Variants in FAM193A observed in about 807,000 individuals in gnomAD.
FAM193A encodes protein FAM193A.
FAM193A carries 22 observed loss-of-function variants against 126.5 expected under a neutral mutation model. The ratio of observed to expected loss-of-function variants is 0.17; its 90% CI spans 0.12 to 0.25. FAM193A has a LOEUF of 0.25. Ranked by LOEUF, FAM193A falls within the 10% of genes least tolerant of loss-of-function variation. FAM193A has a pLI of 1.00. For missense variants in FAM193A, 1,675 were observed against 1,672.8 expected, an observed-to-expected ratio of 1.00 and a Z score of -0.02; for synonymous variants, 761 against 646.8, an observed-to-expected ratio of 1.18 and a Z score of -2.68.
rs559967710 is a variant in FAM193A at position 2,684,375 on chromosome 4, C to CT, written c.2332-5122dup. On this transcript the variant is annotated intron_variant, in intron 13 of 20. Coordinates refer to ENST00000637812, the MANE Select transcript of FAM193A (RefSeq NM_001366318.2). Reference sequence around the variant, plus strand: ...TTTATTATTTATAAGTTTTAATTTACTTTTTTTTTCCAAAGATACTTAGTA... The same window carrying CT: ...TTTATTATTTATAAGTTTTAATTTACTTTTTTTTTTCCAAAGATACTTAGTA... Among the ~76,000 whole-genome samples the CT allele has an allele frequency of 1.0e-3, 154 of 150,904 alleles. 1 individual carries two copies. Among genetic ancestry groups the CT allele is most frequent in the African/African-American group, 3.4e-3 (142 of 41,164 alleles).
At chr4:2,711,087 T>G (rs1282441156) in intron 19 of FAM193A, among the ~76,000 whole-genome samples, 1 of 149,824 alleles carries the variant, frequency 6.7e-6, no homozygotes, top group South Asian at 2.1e-4. Context: ...CTCCTGACCT[T>G]GTGATCCACC....
chr4:2,701,284 CAAA>C (rs60538223), intron 19 of FAM193A, among the ~76,000 whole-genome samples: 27 of 96,018 alleles, frequency 2.8e-4, no homozygotes, highest in Non-Finnish European at 2.7e-4. Context: ...TCCTTTATAG[CAAA>C]AAAAAAAAAA....
intron 8 of FAM193A, 84 bp from the exon 9 acceptor site, chr4:2,659,474 A>G: frequency 2.2e-6 from 2 of 927,914 alleles, no homozygotes; most frequent in Non-Finnish European, 3.4e-6. Flanking sequence ...AACATGATAC[A>G]TGTCAGCAGA....
Position 2,689,657 on chromosome 4 carries a change from A to G in FAM193A, c.2483A>G (p.Asn828Ser). Residue 828 changes from asparagine to serine, a missense_variant, in exon 14 of 21, where the codon AAT (asparagine) becomes AGT (serine). Around this residue, in one of 4 missense-constraint regions of FAM193A, gnomAD observed 1,186 missense variants for 1,109.2 expected, o/e 1.07. Coordinates refer to ENST00000637812, the MANE Select transcript of FAM193A (RefSeq NM_001366318.2). ...FISLWGSEVM[N>S]DKNWNPGTFL... ...AGTCTTTGGGGATCAGAAGTGATGA[A>G]TGATAAGAACTGGAATCCTGGCACT... 2 of 1,576,648 alleles carry G rather than the reference A, an allele frequency of 1.3e-6. No homozygotes were observed. The highest frequency in any genetic ancestry group is 1.7e-6 in the Non-Finnish European group (2 of 1,168,368).
intron 19 of FAM193A, chr4:2,715,586 T>A: frequency 1.1e-6 from 1 of 893,510 alleles, no homozygotes; most frequent in Non-Finnish European, 1.4e-6. Context: ...AGCCCTTTCC[T>A]TAACATGGGC....
chr4:2,726,383 T>C (rs1720748162), intron 20 of FAM193A, among the ~76,000 whole-genome samples: 1 of 152,158 alleles, frequency 6.6e-6, no homozygotes, highest in African/African-American at 2.4e-5. Flanking sequence ...AATTTGTTCT[T>C]TTTTTCTTAA....
In FAM193A at chr4:2,588,707, G is replaced by A. The variant is rs528933290; in HGVS notation, c.256-7377G>A. ...TTTCAGCCTCTGTTCTATTTAAGTA[G>A]TTTTATTTTTCTCTCTGGTCATTTC... On this transcript the variant is annotated intron_variant, in intron 1 of 20. Transcript: ENST00000637812. Among the ~76,000 whole-genome samples, 14 of 152,276 alleles carry A rather than the reference G, an allele frequency of 9.2e-5. No individual in the cohort carries two copies. The South Asian group carries it at 1.5e-3, about 16-fold the overall frequency.
At position 2,596,157 on chromosome 4, in the gene FAM193A, G is replaced by A. The variant is rs905388728; in HGVS notation, c.329G>A (p.Ser110Asn). Residue 110 changes from serine (S) to asparagine (N), a missense_variant, in exon 2 of 21, where the codon AGT becomes AAT. Physicochemically the swap from Ser to Asn is conservative, Grantham distance 46. Coordinates refer to ENST00000637812, the MANE Select transcript of FAM193A (RefSeq NM_001366318.2). Reference protein sequence around the residue: ...PAGDYCLLCRSERKDSSFLES... With the variant: ...PAGDYCLLCRNERKDSSFLES... ...GGGGATTATTGTCTTCTGTGCAGAA[G>A]TGAACGGAAAGACTCATCATTCTTA... The A allele has an allele frequency of 4.3e-6, 3 of 702,978 alleles. No homozygotes were observed. The highest frequency in any genetic ancestry group is 7.8e-6 in the Non-Finnish European group (3 of 385,010). The allele number at this position is 702,978 out of a possible 1,614,324, so 43.5% of individuals were successfully genotyped here.
chr4:2,731,916 C>T lies in FAM193A; in HGVS notation c.*48C>T, dbSNP rs1430968884. ...CACGCGAGAGGCAGGCCAGGCTGCA[C>T]CACCCCAAGAGCCACGCCCCTCGCT... is the stretch of plus-strand genomic sequence containing the variant. On this transcript the variant is annotated 3_prime_UTR_variant, in exon 21 of 21. Coordinates refer to ENST00000637812, the MANE Select transcript of FAM193A (RefSeq NM_001366318.2). 7.1e-7 allele frequency: 1 copy of T among 1,417,056 alleles called. No individual in the cohort carries two copies. Among genetic ancestry groups the T allele is most frequent in the Admixed American group, 1.7e-5 (1 of 59,766 alleles). The allele number at this position is 1,417,056 out of a possible 1,614,324, so 87.8% of individuals were successfully genotyped here.
intron 1 of FAM193A, among the ~76,000 whole-genome samples, chr4:2,583,738 G>T (rs1191366135): frequency 1.3e-5 from 2 of 152,172 alleles, no homozygotes; most frequent in Non-Finnish European, 2.9e-5. Context: ...GTGTCTGATT[G>T]TGTCTACCCC....
chr4:2,700,884 G>GA (rs1717646873), intron 19 of FAM193A, among the ~76,000 whole-genome samples: 1 of 152,168 alleles, frequency 6.6e-6, no homozygotes, highest in South Asian at 2.1e-4. Flanking sequence ...AGAATCGCTT[G>GA]AACCCAGGAG....
At chr4:2,711,097 C>A (rs1242623332) in intron 19 of FAM193A, among the ~76,000 whole-genome samples, 4 of 152,014 alleles carry the variant, frequency 2.6e-5, no homozygotes, top group African/African-American at 9.7e-5. Context: ...TGTGATCCAC[C>A]CACCTTGGCC....
At chr4:2,630,858 C>A in intron 4 of FAM193A, 77 bp from the exon 5 acceptor site, 1 of 801,840 alleles carries the variant, frequency 1.2e-6, no homozygotes, top group Non-Finnish European at 2.0e-6. Context: ...GGAAGGGCTT[C>A]AGAAAAGATG....
At chr4:2,628,008 C>G (rs1232646890) in intron 4 of FAM193A, among the ~76,000 whole-genome samples, 1 of 152,034 alleles carries the variant, frequency 6.6e-6, no homozygotes, top group Non-Finnish European at 1.5e-5. Flanking sequence ...TCCCAAAGTG[C>G]TGAGATTACA....
chr4:2,554,695 T>C (rs1012585672), intron 1 of FAM193A, among the ~76,000 whole-genome samples: 1 of 152,200 alleles, frequency 6.6e-6, no homozygotes, highest in African/African-American at 2.4e-5. Context: ...CCTAAAATTG[T>C]AGATTTGTTC....
At chr4:2,630,683 C>T (rs561890738) in intron 4 of FAM193A, among the ~76,000 whole-genome samples, 1 of 152,342 alleles carries the variant, frequency 6.6e-6, no homozygotes, top group Admixed American at 6.5e-5. Context: ...AATTAGTGCA[C>T]GTGCACGGAC....
intron 5 of FAM193A, among the ~76,000 whole-genome samples, chr4:2,636,246 G>A (rs1366128946): frequency 6.6e-6 from 1 of 151,930 alleles, no homozygotes; most frequent in African/African-American, 2.4e-5. Flanking sequence ...TGTATTTTTA[G>A]TAGAGTCGGG....
chr4:2,678,650 A>C (rs1714733254), intron 13 of FAM193A, among the ~76,000 whole-genome samples: 1 of 152,236 alleles, frequency 6.6e-6, no homozygotes, highest in Non-Finnish European at 1.5e-5. Flanking sequence ...GGCATGAGCC[A>C]CTGTGCCCAG....
At chr4:2,559,880 G>A (rs1738504259) in intron 1 of FAM193A, among the ~76,000 whole-genome samples, 1 of 152,136 alleles carries the variant, frequency 6.6e-6, no homozygotes, top group Non-Finnish European at 1.5e-5. Flanking sequence ...ACCTGCTTGT[G>A]TAGTGCGGCC....
Sources: gnomAD v4.1 joint callset for allele counts (sites outside exome capture counted in the v4.1 genomes callset) on GRCh38, gnomAD v4.1.1 for gene constraint, gnomAD v4.1.1 regional missense constraint, MANE v1.5 for transcripts, NCBI Gene and HGNC (gene_info 2026-07-23, HGNC 2026-07-21) for gene names.